Variants in KDM2A observed in about 807,000 individuals in gnomAD.
KDM2A encodes the protein lysine demethylase 2A, also known as lysine-specific demethylase 2A.
Under a neutral mutation model 137.3 loss-of-function variants are expected in KDM2A, and 3 were observed. The ratio of observed to expected loss-of-function variants is 0.02; its 90% CI spans 0.01 to 0.06. The LOEUF is 0.06. Among genes scored for constraint, KDM2A ranks in the 10% least tolerant of loss-of-function variants. The pLI is 1.00. For missense variants in KDM2A, 738 were observed against 1,510.6 expected (o/e 0.49, Z 8.48); for synonymous variants, 512 against 541.5 (o/e 0.95, Z 0.76).
At chr11:67,128,761 T>G (rs1408007296) in intron 2 of KDM2A, among the ~76,000 whole-genome samples, 1 of 152,258 alleles carries the variant, frequency 6.6e-6, no homozygotes, top group Non-Finnish European at 1.5e-5. Flanking sequence ...TATAAGCTTC[T>G]TGAGAGTTGG....
At chr11:67,210,807 ATCTT>A (rs1258110523) in intron 6 of KDM2A, among the ~76,000 whole-genome samples, 1 of 152,160 alleles carries the variant, frequency 6.6e-6, no homozygotes, top group African/African-American at 2.4e-5. Context: ...ACATTTCAAA[ATCTT>A]AATAATGGAA....
chr11:67,201,063 G>A (rs1054434541), intron 5 of KDM2A, among the ~76,000 whole-genome samples: 4 of 151,720 alleles, frequency 2.6e-5, no homozygotes, highest in Non-Finnish European at 4.4e-5. Flanking sequence ...GCGTGGTGGC[G>A]GGCGCTTGTA....
chr11:67,252,569 C>T (rs1208637274), intron 17 of KDM2A, 125 bp from the exon 18 acceptor site: 2 of 1,048,756 alleles, frequency 1.9e-6, no homozygotes, highest in Non-Finnish European at 2.9e-6. Context: ...AAGGTGTGAT[C>T]CCTGTACACT....
At chr11:67,125,481 C>G (rs540073404) in intron 2 of KDM2A, among the ~76,000 whole-genome samples, 1 of 151,880 alleles carries the variant, frequency 6.6e-6, no homozygotes, top group African/African-American at 2.4e-5. Context: ...TCAGAAATAA[C>G]TAGTTAAGGA....
At chr11:67,218,047 G>C (rs986139558) in intron 9 of KDM2A, among the ~76,000 whole-genome samples, 163 bp downstream of exon 9, 2 of 152,092 alleles carry the variant, frequency 1.3e-5, no homozygotes, top group African/African-American at 2.4e-5. Context: ...TGTTTGTTTT[G>C]TTTTCAGTTT....
chr11:67,204,080 C>G (rs752415018), intron 5 of KDM2A, among the ~76,000 whole-genome samples: 1 of 152,078 alleles, frequency 6.6e-6, no homozygotes, highest in East Asian at 1.9e-4. Context: ...AGATTACAGG[C>G]GTGAGTCACC....
intron 2 of KDM2A, among the ~76,000 whole-genome samples, chr11:67,152,901 C>T (rs959079812): frequency 3.1e-5 from 4 of 129,440 alleles, no homozygotes; most frequent in Admixed American, 8.6e-5. Flanking sequence ...GATTACAGTG[C>T]CAGAGTGTGT....
chr11:67,249,871 C>T (rs988888716), intron 16 of KDM2A, among the ~76,000 whole-genome samples: 2 of 152,168 alleles, frequency 1.3e-5, no homozygotes, highest in Non-Finnish European at 1.5e-5. Flanking sequence ...GTGGCTCACA[C>T]CTATAATTCC....
intron 11 of KDM2A, among the ~76,000 whole-genome samples, chr11:67,229,740 C>T (rs1424786431): frequency 6.6e-5 from 10 of 151,530 alleles, no homozygotes; most frequent in South Asian, 2.1e-4. Flanking sequence ...CGTGGTGTTG[C>T]GCACCTGTAG....
chr11:67,178,781 T>C (rs1857024542), intron 2 of KDM2A, among the ~76,000 whole-genome samples: 1 of 152,218 alleles, frequency 6.6e-6, no homozygotes, highest in Non-Finnish European at 1.5e-5. Context: ...ATTTTGTTAA[T>C]GCATTCATCA....
intron 11 of KDM2A, among the ~76,000 whole-genome samples, chr11:67,228,424 G>A (rs1858610828): frequency 6.6e-6 from 1 of 152,148 alleles, no homozygotes; most frequent in African/African-American, 2.4e-5. Flanking sequence ...GGACACGCTG[G>A]TTCACGCCTG....
At chr11:67,128,871 A>G (rs61891316) in intron 2 of KDM2A, among the ~76,000 whole-genome samples, 4,638 of 152,292 alleles carry the variant, frequency 0.03, 106 homozygotes, top group African/African-American at 0.065. Context: ...GAAAGCCTGG[A>G]TATATGCTCT....
intron 5 of KDM2A, among the ~76,000 whole-genome samples, chr11:67,198,104 T>A (rs1857524891): frequency 6.6e-6 from 1 of 152,282 alleles, no homozygotes; most frequent in South Asian, 2.1e-4. Context: ...AGAGGTGGGA[T>A]TGCTTTTGCT....
chr11:67,134,940 T>C (rs1855938800), intron 2 of KDM2A, among the ~76,000 whole-genome samples: 1 of 152,236 alleles, frequency 6.6e-6, no homozygotes, highest in Non-Finnish European at 1.5e-5. Flanking sequence ...TTCATGGTCA[T>C]GACAATCCTC....
In KDM2A at chr11:67,180,080, G is replaced by A. The variant is rs2136334478; in HGVS notation, c.44G>A (p.Arg15His). ...EERIRYSQRL[R>H]GTMRRRYEDD... ...TCAGTATGTTCCTTTCTTTCCTAGC[G>A]TGGTACCATGCGACGACGCTATGAA... Residue 15 changes from arginine to histidine, a missense_variant and splice_region_variant, in exon 3 of 21, where the codon CGT becomes CAT. Arg to His is a conservative substitution (Grantham distance 29). Transcript: ENST00000529006. 1.2e-6 allele frequency: 2 copies of A among 1,613,210 alleles called. No individual in the cohort carries two copies. The highest frequency in any genetic ancestry group is 1.7e-6 in the Non-Finnish European group (2 of 1,179,542).
intron 5 of KDM2A, among the ~76,000 whole-genome samples, chr11:67,206,178 C>G (rs1427678681): frequency 6.6e-6 from 1 of 152,170 alleles, no homozygotes. Flanking sequence ...CATGTGTAAT[C>G]CCAGCATTTT....
chr11:67,202,204 GCTT>G (rs1857644542), intron 5 of KDM2A, among the ~76,000 whole-genome samples: 1 of 152,206 alleles, frequency 6.6e-6, no homozygotes, highest in Non-Finnish European at 1.5e-5. Flanking sequence ...TGGAAGAGTT[GCTT>G]CTTATGGATG....
rs77062321 is a variant in KDM2A, at chr11:67,181,560, A to G, written c.260+162A>G. On this transcript the variant is annotated intron_variant, in intron 4 of 20. Transcript: ENST00000529006. ...TTTTCTTTTGATACACAAGTGTTTC[A>G]TATTAGAGGTAAATGAGAAAATATA... 7.8e-3 allele frequency among the ~76,000 whole-genome samples: 1,187 copies of G among 151,890 alleles called. 16 individuals carry two copies. Among genetic ancestry groups the G allele is most frequent in the Middle Eastern group, 0.034 (10 of 294 alleles).
At chr11:67,224,136 GA>G (rs1199133195) in intron 10 of KDM2A, among the ~76,000 whole-genome samples, 1 of 152,192 alleles carries the variant, frequency 6.6e-6, no homozygotes, top group Non-Finnish European at 1.5e-5. Context: ...GAAGGTTTTT[GA>G]AAAGGGACTC....
Sources: allele counts gnomAD v4.1 joint callset (sites outside exome capture counted in the v4.1 genomes callset), GRCh38; gene constraint gnomAD v4.1.1; transcripts MANE v1.5; gene names NCBI Gene and HGNC (gene_info 2026-07-23, HGNC 2026-07-21).